ANO10: variants seen among roughly 807,000 people sequenced by gnomAD.
ANO10 encodes anoctamin-10.
A neutral mutation model predicts 74.7 loss-of-function variants in ANO10; 77 were observed. That is an observed-to-expected ratio of 1.03 (90% CI 0.86 to 1.25). ANO10 has a LOEUF of 1.25. Ranked by LOEUF, ANO10 falls within the 50% of genes most tolerant of loss-of-function variation. The probability of loss-of-function intolerance (pLI) is 0.00; values close to 1 mark genes in which losing one functional copy is unlikely to be tolerated. For synonymous variants in ANO10, 279 were observed against 284.9 expected, an observed-to-expected ratio of 0.98 and a Z score of 0.21; for missense variants, 721 against 778.1, an observed-to-expected ratio of 0.93 and a Z score of 0.87.
chr3:43,657,718 C>T (rs2083873651), intron 1 of ANO10, among the ~76,000 whole-genome samples: 1 of 152,170 alleles, frequency 6.6e-6, no homozygotes, highest in Admixed American at 6.5e-5. Context: ...CCCTGTTATC[C>T]AGCCTCCTAG....
chr3:43,656,665 C>A (rs184871627), intron 1 of ANO10, among the ~76,000 whole-genome samples: 21 of 152,342 alleles, frequency 1.4e-4, no homozygotes, highest in Admixed American at 1.1e-3. Context: ...CAGCCGCTGG[C>A]CCGGATGCTA....
At chr3:43,649,166 C>A (rs1220014642) in intron 1 of ANO10, among the ~76,000 whole-genome samples, 1 of 152,172 alleles carries the variant, frequency 6.6e-6, no homozygotes, top group South Asian at 2.1e-4. Context: ...ACACCTGTGA[C>A]AGCCCCACTG....
Position 43,530,411 on chromosome 3 carries a change from T to C in ANO10, c.1797+19309A>G, listed in dbSNP as rs902938833. Among the ~76,000 whole-genome samples, 9 of 149,272 alleles carry C rather than the reference T, an allele frequency of 6.0e-5. 1 individual carries two copies. Among genetic ancestry groups the C allele is most frequent in the Admixed American group, 3.4e-4 (5 of 14,888 alleles). On this transcript the variant is annotated intron_variant, in intron 11 of 12. Coordinates refer to ENST00000292246, the MANE Select transcript of ANO10 (RefSeq NM_018075.5). ...GGTTATATAGGTTATATATTTCTTA[T>C]ATAAAACATATAGCCTATATATTAT...
intron 4 of ANO10, among the ~76,000 whole-genome samples, chr3:43,589,640 A>G (rs776621603): frequency 2.0e-5 from 3 of 152,180 alleles, no homozygotes; most frequent in Non-Finnish European, 2.9e-5. Context: ...ACATAAATTA[A>G]TTGAAGCAAT....
At position 43,549,834 on chromosome 3, in the gene ANO10, C is replaced by G. The variant is rs141040660; in HGVS notation, c.1683G>C (p.Thr561=). The G allele has an allele frequency of 2.6e-3, 4,246 of 1,613,778 alleles. 15 individuals carry two copies. Among genetic ancestry groups the G allele is most frequent in the South Asian group, 3.4e-3 (307 of 91,048 alleles). ...NIGVWQLAFE[T]MSVISVVTNC... ...TAGTGACCACAGATATAACACTCAT[C>G]GTTTCAAAAGCCAACTAAAAGAAAA... The change falls in exon 11 of 13, where the codon ACG becomes ACC. Residue 561 remains threonine, a synonymous_variant. Coordinates refer to ENST00000292246, the MANE Select transcript of ANO10 (RefSeq NM_018075.5).
chr3:43,424,909 G>C (rs1243593071), intron 12 of ANO10: 1 of 152,190 alleles, frequency 6.6e-6, no homozygotes, highest in Non-Finnish European at 1.5e-5. Flanking sequence ...GAAAGGGAGA[G>C]GCAGGCTCAG....
chr3:43,596,045 C>A lies in ANO10; in HGVS notation c.472+2487G>T, dbSNP rs146698208. On this transcript the variant is annotated intron_variant, in intron 4 of 12. Coordinates refer to ENST00000292246, the MANE Select transcript of ANO10 (RefSeq NM_018075.5). Reference sequence around the variant, plus strand: ...AAAGAAAATAAAAAACCTAGGAATACAACTTACAAGGGATGTGAAGGACCT... The same window carrying A: ...AAAGAAAATAAAAAACCTAGGAATAAAACTTACAAGGGATGTGAAGGACCT... Among the ~76,000 whole-genome samples, 832 of 152,186 alleles carry A rather than the reference C, an allele frequency of 5.5e-3. 6 individuals are homozygous for A. The highest frequency in any genetic ancestry group is 0.019 in the African/African-American group (800 of 41,516).
rs1412558931 is a variant in ANO10 at position 43,576,820 on chromosome 3, C to T, written c.1034G>A (p.Gly345Asp). ...IYFDMEVWAL[G>D]LHENSGSEWT... ...CTCAGACCCGCTGTTCTCATGTAGA[C>T]CCAAGGCCCAAACCTCCATGTCGAA... Residue 345 changes from glycine to aspartate, a missense_variant, in exon 6 of 13, where the codon GGT (glycine) becomes GAT (aspartate). Coordinates refer to ENST00000292246, the MANE Select transcript of ANO10 (RefSeq NM_018075.5). 2 of 1,614,022 alleles carry T rather than the reference C, an allele frequency of 1.2e-6. No homozygotes were observed. The highest frequency in any genetic ancestry group is 1.3e-5 in the African/African-American group (1 of 74,900).
chr3:43,538,427 T>C (rs901211490), intron 11 of ANO10, among the ~76,000 whole-genome samples: 1 of 152,216 alleles, frequency 6.6e-6, no homozygotes, highest in African/African-American at 2.4e-5. Flanking sequence ...TCTCCAGCAC[T>C]GACTAGAAAT....
chr3:43,570,414 C>T (rs1249352670), intron 7 of ANO10, among the ~76,000 whole-genome samples: 2 of 151,486 alleles, frequency 1.3e-5, no homozygotes, highest in Admixed American at 6.6e-5. Context: ...GGAGGCATCA[C>T]ACTACCTGAC....
chr3:43,379,866 A>G (rs1001178920), intron 12 of ANO10, among the ~76,000 whole-genome samples: 1 of 152,258 alleles, frequency 6.6e-6, no homozygotes, highest in African/African-American at 2.4e-5. Flanking sequence ...AAGAATTCAG[A>G]AGGTTGACTA....
chr3:43,543,803 T>C (rs1033037964), intron 11 of ANO10, among the ~76,000 whole-genome samples: 2 of 152,184 alleles, frequency 1.3e-5, no homozygotes, highest in Non-Finnish European at 2.9e-5. Flanking sequence ...TAAACATGCA[T>C]GGTACAGGCA....
chr3:43,465,112 T>C (rs897891162), intron 11 of ANO10, among the ~76,000 whole-genome samples: 1 of 152,210 alleles, frequency 6.6e-6, no homozygotes, highest in Non-Finnish European at 1.5e-5. Context: ...TCCTAAGTTT[T>C]ACCCCATATA....
intron 1 of ANO10, among the ~76,000 whole-genome samples, chr3:43,662,586 A>G (rs929985993): frequency 1.3e-5 from 2 of 151,836 alleles, no homozygotes; most frequent in Admixed American, 1.3e-4. Context: ...AGATAGAGAC[A>G]CAAAAAAATA....
chr3:43,688,046 GA>G (rs2084296779), intron 1 of ANO10, among the ~76,000 whole-genome samples: 1 of 152,222 alleles, frequency 6.6e-6, no homozygotes, highest in African/African-American at 2.4e-5. Flanking sequence ...GGTGAAGCTA[GA>G]ACAGAGCTAC....
chr3:43,658,455 A>ATATTATTATTAT (rs555639307), intron 1 of ANO10, among the ~76,000 whole-genome samples: 5 of 150,768 alleles, frequency 3.3e-5, no homozygotes, highest in African/African-American at 1.2e-4. Flanking sequence ...ACCAAAGTTT[A>ATATTATTATTAT]TATTATTATT....
intron 1 of ANO10, chr3:43,691,252 G>A: frequency 2.4e-6 from 1 of 413,936 alleles, no homozygotes; most frequent in Non-Finnish European, 4.1e-6. Context: ...TCGGGGCCCC[G>A]AGGTGTCTGA....
intron 7 of ANO10, among the ~76,000 whole-genome samples, chr3:43,571,862 T>TA (rs35839099): frequency 5.4e-4 from 64 of 118,524 alleles, no homozygotes; most frequent in Non-Finnish European, 6.4e-4. Context: ...TTTCCTACAT[T>TA]AAAAAAAAAA....
In ANO10 at chr3:43,389,469, C is replaced by A. The variant is rs533823253; in HGVS notation, c.1915-22495G>T. On this transcript the variant is annotated intron_variant, in intron 12 of 12. Transcript: ENST00000292246. ...CTGTGTTACCTAGCAAAGCCCACAGCTGATTCACAGTTAACTTGGATGGAT... is the reference window on the plus strand; with the variant it reads ...CTGTGTTACCTAGCAAAGCCCACAGATGATTCACAGTTAACTTGGATGGAT... 4.8e-4 allele frequency among the ~76,000 whole-genome samples: 73 copies of A among 152,328 alleles called. 1 individual carries two copies. In the South Asian group the frequency reaches 0.015, roughly 32 times the overall value.
Sources: allele counts gnomAD v4.1 joint callset (sites outside exome capture counted in the v4.1 genomes callset), GRCh38; gene constraint gnomAD v4.1.1; transcripts MANE v1.5; gene names NCBI Gene and HGNC (gene_info 2026-07-23, HGNC 2026-07-21).